The following LRCH1 variants were observed in gnomAD, a reference collection of about 807,000 sequenced individuals.
The protein encoded by LRCH1 is leucine-rich repeat and calponin homology domain-containing protein 1.
LRCH1 carries 23 observed loss-of-function variants against 94.9 expected under a neutral mutation model. That is an observed-to-expected ratio of 0.24 (90% CI 0.17 to 0.34). The LOEUF (loss-of-function observed/expected upper bound fraction) is 0.34, where lower values mean the gene tolerates loss of function less well. Ranked by LOEUF, LRCH1 falls within the 10% of genes least tolerant of loss-of-function variation. LRCH1 has a pLI of 1.00. For synonymous variants in LRCH1, 364 were observed against 354.9 expected, an observed-to-expected ratio of 1.03 and a Z score of -0.29; for missense variants, 790 against 945.9, an observed-to-expected ratio of 0.84 and a Z score of 2.16.
At chr13:46,749,623 CAAAGA>C (rs1874045765), downstream of LRCH1, among the ~76,000 whole-genome samples, 2 of 150,336 alleles carry the variant, frequency 1.3e-5, no homozygotes, top group Non-Finnish European at 3.0e-5. Context: ...TTTTTCCTGT[CAAAGA>C]AAAGAAAAAA....
chr13:46,681,965 T>TGTGTGTGTGTGTGC (rs1188518112), intron 4 of LRCH1, 119 bp downstream of exon 4: 1 of 639,280 alleles, frequency 1.6e-6, no homozygotes, highest in Non-Finnish European at 2.8e-6. Context: ...TGTGTGTGTG[T>TGTGTGTGTGTGTGC]GCCTACTACT....
intron 9 of LRCH1, among the ~76,000 whole-genome samples, chr13:46,696,144 C>T (rs1238364956): frequency 1.3e-5 from 2 of 151,996 alleles, no homozygotes; most frequent in Non-Finnish European, 2.9e-5. Flanking sequence ...ACCACCCCGC[C>T]CACTCCACTT....
chr13:46,709,238 A>C lies in LRCH1; in HGVS notation c.1528-2553A>C, dbSNP rs566435657. On this transcript the variant is annotated intron_variant, in intron 13 of 19. Coordinates refer to ENST00000389797, the MANE Select transcript of LRCH1 (RefSeq NM_001164211.2). The stretch of plus-strand genomic sequence containing the variant: ...TTGCTACCATTATATTATGTGGAAA[A>C]GCCTAATATCCTCCTAAAGTAGGAA... 2.0e-5 allele frequency among the ~76,000 whole-genome samples: 3 copies of C among 152,322 alleles called. No individual in the cohort carries two copies. In the South Asian group the frequency reaches 6.2e-4, roughly 32 times the overall value.
chr13:46,600,840 ACAGT>A (rs747197979), intron 1 of LRCH1, among the ~76,000 whole-genome samples: 5 of 152,244 alleles, frequency 3.3e-5, no homozygotes, highest in Non-Finnish European at 5.9e-5. Context: ...CTCTTTAGCA[ACAGT>A]CAGCTTTTCT....
At chr13:46,586,397 A>AT (rs1483341414) in intron 1 of LRCH1, among the ~76,000 whole-genome samples, 1 of 152,018 alleles carries the variant, frequency 6.6e-6, no homozygotes, top group Non-Finnish European at 1.5e-5. Context: ...AGCATCATTC[A>AT]TTTTTTCATT....
At chr13:46,669,299 TG>T in intron 3 of LRCH1, 143 bp downstream of exon 3, 1 of 783,776 alleles carries the variant, frequency 1.3e-6, no homozygotes, top group African/African-American at 1.7e-5. Context: ...AGACATTAAG[TG>T]GGGAGAGGAA....
intron 8 of LRCH1, among the ~76,000 whole-genome samples, chr13:46,694,127 T>G (rs563153122): frequency 2.8e-4 from 42 of 152,372 alleles, no homozygotes; most frequent in Admixed American, 2.0e-3. Context: ...GGAGGTAGTA[T>G]TTTAGGCAAA....
intron 19 of LRCH1, among the ~76,000 whole-genome samples, chr13:46,740,596 C>T (rs75724767): frequency 0.017 from 2,553 of 152,258 alleles, 58 homozygotes; most frequent in African/African-American, 0.056. Context: ...ATCTTAAATG[C>T]CTCACCTAAT....
intron 2 of LRCH1, among the ~76,000 whole-genome samples, chr13:46,663,607 A>G (rs2051477129): frequency 6.6e-6 from 1 of 152,248 alleles, no homozygotes; most frequent in African/African-American, 2.4e-5. Context: ...AGAAGCAAAC[A>G]GGGTATTCAT....
chr13:46,640,159 T>C (rs1229915812), intron 1 of LRCH1, among the ~76,000 whole-genome samples: 1 of 152,228 alleles, frequency 6.6e-6, no homozygotes, highest in African/African-American at 2.4e-5. Flanking sequence ...TCAAACTAAC[T>C]TACAGATTGT....
Position 46,743,351 on chromosome 13 carries a change from T to C in LRCH1, c.*1503T>C, listed in dbSNP as rs1159339476. On this transcript the variant is annotated 3_prime_UTR_variant, in exon 20 of 20. Transcript: ENST00000389797. ...AGATTTGCTAACAGGAAGCATTCTT[T>C]ACATGACAGTATCTTGAGTTATGTG... The C allele has an allele frequency of 4.1e-6, 4 of 985,780 alleles. No homozygotes were observed. In the African/African-American group the frequency reaches 5.2e-5, roughly 13 times the overall value. 61.1% of individuals were successfully genotyped at this position (985,780 alleles called of 1,614,324 possible).
rs575874794 is a variant in LRCH1 at position 46,558,572 on chromosome 13, CAAAA to C, written c.307+4892_307+4895del. On this transcript the variant is annotated intron_variant, in intron 1 of 19. Coordinates refer to ENST00000389797, the MANE Select transcript of LRCH1 (RefSeq NM_001164211.2). ...CCAAGACGGTGAAACCCTGTGTCTA[CAAAA>C]AAAAAAAAAAAAAAAAAAAAAAGCT... Among the ~76,000 whole-genome samples, 34 of 34,394 alleles carry C rather than the reference CAAAA, an allele frequency of 9.9e-4. 1 individual carries two copies. Among genetic ancestry groups the C allele is most frequent in the East Asian group, 2.8e-3 (3 of 1,060 alleles). The allele number at this position is 34,394 out of a possible 152,430, so 22.6% of individuals were successfully genotyped here.
intron 1 of LRCH1, among the ~76,000 whole-genome samples, chr13:46,610,551 C>A (rs76442921): frequency 6.6e-6 from 1 of 150,836 alleles, no homozygotes; most frequent in Non-Finnish European, 1.5e-5. Context: ...TTAGCTCCCA[C>A]TTAGGAGTGA....
At chr13:46,604,336 C>G (rs1001987700) in intron 1 of LRCH1, among the ~76,000 whole-genome samples, 1 of 152,100 alleles carries the variant, frequency 6.6e-6, no homozygotes, top group Admixed American at 6.5e-5. Context: ...CAGGTGTCTT[C>G]TTGTGGGTGA....
At chr13:46,626,995 T>C (rs904355146) in intron 1 of LRCH1, among the ~76,000 whole-genome samples, 4 of 152,172 alleles carry the variant, frequency 2.6e-5, no homozygotes, top group African/African-American at 7.2e-5. Flanking sequence ...TGAGGAATGG[T>C]TGGGTGTTTT....
Position 46,650,246 on chromosome 13 carries a change from A to G in LRCH1, c.353A>G (p.His118Arg), listed in dbSNP as rs369182666. 9.9e-6 allele frequency: 16 copies of G among 1,612,824 alleles called. No individual in the cohort carries two copies. Among genetic ancestry groups the G allele is most frequent in the East Asian group, 4.5e-5 (2 of 44,796 alleles). ...RLVEVPMELC[H>R]FVSLEILNLY... ...GTTGAAGTTCCAATGGAATTGTGCC[A>G]TTTTGTATCACTGGAAATTCTTAAT... is the stretch of plus-strand genomic sequence containing the variant. The change falls in exon 2 of 20, where the codon CAT becomes CGT. Residue 118 changes from histidine (H) to arginine (R), a missense_variant. Physicochemically the swap from His to Arg is conservative, Grantham distance 29. Coordinates refer to ENST00000389797, the MANE Select transcript of LRCH1 (RefSeq NM_001164211.2).
chr13:46,652,571 A>G (rs544529193), intron 2 of LRCH1, among the ~76,000 whole-genome samples: 3 of 152,230 alleles, frequency 2.0e-5, no homozygotes, highest in African/African-American at 7.2e-5. Context: ...TGCTGTTTCT[A>G]CCATAGTGGG....
intron 1 of LRCH1, among the ~76,000 whole-genome samples, chr13:46,617,272 A>G (rs1421702153): frequency 1.3e-5 from 2 of 152,128 alleles, no homozygotes; most frequent in Non-Finnish European, 2.9e-5. Context: ...GAGGAGTGTG[A>G]GTTAGACACA....
At chr13:46,584,602 C>G (rs1316266762) in intron 1 of LRCH1, among the ~76,000 whole-genome samples, 4 of 152,204 alleles carry the variant, frequency 2.6e-5, no homozygotes, top group Non-Finnish European at 5.9e-5. Flanking sequence ...AGAGCCCCCT[C>G]AGCTCCTGTT....
Sources: allele counts gnomAD v4.1 joint callset (sites outside exome capture counted in the v4.1 genomes callset), GRCh38; gene constraint gnomAD v4.1.1; transcripts MANE v1.5; gene names NCBI Gene and HGNC (gene_info 2026-07-23, HGNC 2026-07-21).